The following MAN2B2 variants were observed in gnomAD, a reference collection of about 807,000 sequenced individuals.
MAN2B2 encodes mannosidase alpha class 2B member 2, also known as epididymis-specific alpha-mannosidase.
Under a neutral mutation model 117.1 loss-of-function variants are expected in MAN2B2, and 106 were observed. That is an observed-to-expected ratio of 0.90 (90% CI 0.77 to 1.06). MAN2B2 has a LOEUF of 1.06. Ranked by LOEUF, MAN2B2 falls within the 50% of genes least tolerant of loss-of-function variation. The pLI, the probability that MAN2B2 is intolerant of heterozygous loss-of-function variation, is 0.00. For synonymous variants in MAN2B2, 544 were observed against 595.1 expected (o/e 0.91, Z 1.25); for missense variants, 1,326 against 1,381.4 (o/e 0.96, Z 0.64).
chr4:6,581,969 G>A (rs939482602), intron 3 of MAN2B2, among the ~76,000 whole-genome samples: 1 of 152,018 alleles, frequency 6.6e-6, no homozygotes, highest in Non-Finnish European at 1.5e-5. Context: ...GGCCCCCGGG[G>A]GTAAGAGCTT....
chr4:6,587,009 T>G lies in MAN2B2; in HGVS notation c.405T>G (p.Phe135Leu), dbSNP rs758904278. The G allele has an allele frequency of 2.5e-6, 4 of 1,613,656 alleles. No homozygotes were observed. The East Asian group carries it at 8.9e-5, about 36-fold the overall frequency. The change falls in exon 4 of 19, where the codon TTT becomes TTG. Residue 135 changes from phenylalanine (F) to leucine (L), a missense_variant. Coordinates refer to ENST00000285599, the MANE Select transcript of MAN2B2 (RefSeq NM_015274.3). ...CTGTCTTTGCAGAAGGACACGGGTT[T>G]CTCTATGAAACATTTGGGATCCGGC... is the stretch of plus-strand genomic sequence containing the variant. Reference protein sequence around the residue: ...QILQLTEGHGFLYETFGIRPQ... With the variant: ...QILQLTEGHGLLYETFGIRPQ...
intron 3 of MAN2B2, among the ~76,000 whole-genome samples, chr4:6,584,893 GA>G (rs1726573900): frequency 6.6e-6 from 1 of 152,140 alleles, no homozygotes; most frequent in Non-Finnish European, 1.5e-5. Flanking sequence ...TTCTGCGAGT[GA>G]AAAAGGGGTG....
In MAN2B2 at chr4:6,609,087, T is replaced by C. The variant is rs772987129; in HGVS notation, c.1815-20T>C. The C allele has an allele frequency of 1.6e-5, 26 of 1,605,024 alleles. No homozygotes were observed. Among genetic ancestry groups the C allele is most frequent in the Non-Finnish European group, 2.2e-5 (26 of 1,174,790 alleles). ...CTTGTGCAGGATGAGAATGACATCT[T>C]CTCTCTCCTGCCTCTGCAGACAGAG... On this transcript the variant is annotated intron_variant, in intron 11 of 18. Transcript: ENST00000285599.
rs1375978629 is a variant in MAN2B2, at chr4:6,593,438, C to G, written c.858+88C>G. 5 of 1,336,058 alleles carry G rather than the reference C, an allele frequency of 3.7e-6. No homozygotes were observed. The East Asian group carries it at 1.3e-4, about 36-fold the overall frequency. The allele number at this position is 1,336,058 out of a possible 1,614,324, so 82.8% of individuals were successfully genotyped here. A position where few individuals can be genotyped will look rare whatever the true frequency, so the allele number is the denominator to read the frequency against. ...GTCCCTGCACCCAGGGCCACCCTAT[C>G]CAGACCCAGCTAGGCAGCCATGCTC... On this transcript the variant is annotated intron_variant, in intron 6 of 18. Coordinates refer to ENST00000285599, the MANE Select transcript of MAN2B2 (RefSeq NM_015274.3).
In MAN2B2 at chr4:6,605,325, G is replaced by A; in HGVS notation, c.1810G>A (p.Glu604Lys). 1.2e-6 allele frequency: 2 copies of A among 1,607,200 alleles called. No individual in the cohort carries two copies. The highest frequency in any genetic ancestry group is 1.7e-6 in the Non-Finnish European group (2 of 1,174,762). ...TACCAACCTGATGCACAGCATCTGG[G>A]AGAGGTAAGGTGCAGCCATTGCTGT... ...QDTNLMHSIW[E>K]RQSNRTVRVT... The change falls in exon 11 of 19, where the codon GAG becomes AAG. Residue 604 changes from glutamate to lysine, a missense_variant. By Grantham distance (56) the Glu-to-Lys change is moderately conservative (BLOSUM62 1). Coordinates refer to ENST00000285599, the MANE Select transcript of MAN2B2 (RefSeq NM_015274.3).
At chr4:6,580,525 C>T (rs919642970) in intron 3 of MAN2B2, among the ~76,000 whole-genome samples, 6 of 152,226 alleles carry the variant, frequency 3.9e-5, no homozygotes, top group African/African-American at 1.4e-4. Context: ...AGCGAGGAGG[C>T]TCTGGGGCTG....
rs543035173 is a variant in MAN2B2 at position 6,578,396 on chromosome 4, C to T, written c.289C>T (p.Arg97Cys). The T allele has an allele frequency of 4.0e-5, 65 of 1,612,630 alleles. No individual in the cohort carries two copies. Among genetic ancestry groups the T allele is most frequent in the East Asian group, 1.8e-4 (8 of 44,842 alleles). The change falls in exon 3 of 19, where the codon CGC (arginine) becomes TGC (cysteine). Residue 97 changes from arginine (R) to cysteine (C), a missense_variant. Arg to Cys is a radical substitution (Grantham distance 180). Coordinates refer to ENST00000285599, the MANE Select transcript of MAN2B2 (RefSeq NM_015274.3). ...CTCTCTGCCTGCCCATGTCAAGGTC[C>T]GCCAGCTCCTGGAGGAAGGACGCCT... ...VASDQQKYQVRQLLEEGRLEF... is the reference protein window; with the variant it reads ...VASDQQKYQVCQLLEEGRLEF...
chr4:6,589,053 G>A lies in MAN2B2; in HGVS notation c.573G>A (p.Gln191=). Residue 191 remains glutamine (Q), a synonymous_variant, in exon 5 of 19, where the codon CAG becomes CAA. Coordinates refer to ENST00000285599, the MANE Select transcript of MAN2B2 (RefSeq NM_015274.3). The part of the protein sequence containing the change: ...KAAMQEARGL[Q]FVWRGSPSLS... ...TTCTCCTCGGTTTGCAGGGGCTGCA[G>A]TTCGTGTGGCGAGGGTCCCCATCCC... 1 of 1,614,016 alleles carries A rather than the reference G, an allele frequency of 6.2e-7. No individual in the cohort carries two copies. Among genetic ancestry groups the A allele is most frequent in the Non-Finnish European group, 8.5e-7 (1 of 1,179,888 alleles).
In MAN2B2 at chr4:6,621,495, ACACT is replaced by A. The variant is rs1015380935; in HGVS notation, c.*213_*216del. 1.1e-5 allele frequency: 6 copies of A among 540,386 alleles called. No individual in the cohort carries two copies. Among genetic ancestry groups the A allele is most frequent in the African/African-American group, 9.5e-5 (5 of 52,510 alleles). The allele number at this position is 540,386 out of a possible 1,614,324, so 33.5% of individuals were successfully genotyped here. ...TACAAGATCCAGGTTCTTCCCCCCC[ACACT>A]CAATCAAGCCAGCCCTCTCCTCTTC... is the stretch of plus-strand genomic sequence containing the variant. On this transcript the variant is annotated 3_prime_UTR_variant, in exon 19 of 19. Transcript: ENST00000285599.
At position 6,587,906 on chromosome 4, in the gene MAN2B2, C is replaced by T. The variant is rs141109507; in HGVS notation, c.564+738C>T. ...AGTAGCTGGGATTACAGGTGAGTGC[C>T]ACCACGCCCAGCTAAATTTTTTGTG... On this transcript the variant is annotated intron_variant, in intron 4 of 18. Coordinates refer to ENST00000285599, the MANE Select transcript of MAN2B2 (RefSeq NM_015274.3). Among the ~76,000 whole-genome samples the T allele has an allele frequency of 7.9e-3, 1,194 of 151,978 alleles. 13 individuals carry two copies. Among genetic ancestry groups the T allele is most frequent in the African/African-American group, 0.027 (1,134 of 41,420 alleles).
rs372655033 is a variant in MAN2B2 at position 6,609,855 on chromosome 4, G to A, written c.2064G>A (p.Pro688=). The A allele has an allele frequency of 4.7e-5, 76 of 1,614,060 alleles. No homozygotes were observed. Among genetic ancestry groups the A allele is most frequent in the African/African-American group, 4.3e-4 (32 of 75,046 alleles). Residue 688 remains proline (P), a synonymous_variant, in exon 13 of 19, where the codon CCG becomes CCA. Coordinates refer to ENST00000285599, the MANE Select transcript of MAN2B2 (RefSeq NM_015274.3). ...YAIRSRLTHV[P]QGHDGELLCH... ...TCCGCTCCCGGCTCACCCATGTGCC[G>A]CAGGGCCATGACGGGGAGCTGCTCT...
chr4:6,614,495 G>A, intron 16 of MAN2B2, 140 bp downstream of exon 16: 2 of 1,030,810 alleles, frequency 1.9e-6, no homozygotes, highest in East Asian at 2.6e-5. Context: ...CTGGCACATG[G>A]GGAGAGTGAG....
chr4:6,576,438 ATAGC>A, intron 1 of MAN2B2, 136 bp from the exon 2 acceptor site: 2 of 973,538 alleles, frequency 2.1e-6, no homozygotes, highest in South Asian at 3.0e-5. Flanking sequence ...CGAGTGCCTA[ATAGC>A]TGTGTGGGGG....
At chr4:6,606,128 G>A (rs1727536741) in intron 11 of MAN2B2, among the ~76,000 whole-genome samples, 1 of 152,216 alleles carries the variant, frequency 6.6e-6, no homozygotes, top group African/African-American at 2.4e-5. Flanking sequence ...GGCAGAAAGT[G>A]AGGGGACAGG....
intron 10 of MAN2B2, among the ~76,000 whole-genome samples, 163 bp from the exon 11 acceptor site, chr4:6,604,892 T>C (rs913476785): frequency 5.3e-5 from 8 of 151,880 alleles, no homozygotes; most frequent in African/African-American, 1.9e-4. Context: ...CTGATGTGGT[T>C]TGTGGGGGTC....
Position 6,594,542 on chromosome 4 carries a change from C to T in MAN2B2, c.867C>T (p.Asp289=). The T allele has an allele frequency of 1.9e-6, 3 of 1,613,070 alleles. No homozygotes were observed. In the East Asian group the frequency reaches 6.7e-5, roughly 36 times the overall value. ...TPHVLWPWGC[D]KQFFNASVQF... The stretch of plus-strand genomic sequence containing the variant: ...CTCCCATGTCCCTGCAGGGATGTGA[C>T]AAGCAGTTCTTCAATGCCTCGGTGC... Residue 289 remains aspartate (D), a synonymous_variant, in exon 7 of 19, where the codon GAC becomes GAT. Coordinates refer to ENST00000285599, the MANE Select transcript of MAN2B2 (RefSeq NM_015274.3).
At chr4:6,593,420 C>A (rs996455775) in intron 6 of MAN2B2, 70 bp downstream of exon 6, 59 of 1,426,446 alleles carry the variant, frequency 4.1e-5, no homozygotes, top group Non-Finnish European at 5.4e-5. Flanking sequence ...CTGGTCCCTG[C>A]ACCCAGGGCC....
intron 10 of MAN2B2, among the ~76,000 whole-genome samples, chr4:6,602,481 G>A (rs535258213): frequency 9.2e-5 from 14 of 151,938 alleles, no homozygotes; most frequent in South Asian, 2.1e-4. Context: ...AGCACCCTCC[G>A]ACCTAATCAC....
chr4:6,617,048 G>A (rs61333230), intron 16 of MAN2B2, among the ~76,000 whole-genome samples: 8,411 of 152,252 alleles, frequency 0.055, 773 homozygotes, highest in African/African-American at 0.19. Flanking sequence ...GCAAAGTCAC[G>A]TCTTACATGG....
Sources: allele counts gnomAD v4.1 joint callset (sites outside exome capture counted in the v4.1 genomes callset), GRCh38; gene constraint gnomAD v4.1.1; transcripts MANE v1.5; gene names NCBI Gene and HGNC (gene_info 2026-07-23, HGNC 2026-07-21).